Variants in GPC4 observed in about 807,000 individuals in gnomAD.
The protein encoded by GPC4 is glypican 4, also known as glypican-4.
In GPC4, 10 loss-of-function variants were observed where a neutral mutation model predicts 35.0. The observed-to-expected ratio is 0.29, with a 90% CI of 0.18 to 0.48. The LOEUF (loss-of-function observed/expected upper bound fraction) is 0.48, where lower values mean the gene tolerates loss of function less well. GPC4 is among the 20% of genes least tolerant of loss of function. The pLI, the probability that GPC4 is intolerant of heterozygous loss-of-function variation, is 0.99. For missense variants in GPC4, 322 were observed against 451.3 expected, an observed-to-expected ratio of 0.71 and a Z score of 2.60; for synonymous variants, 167 against 170.2, an observed-to-expected ratio of 0.98 and a Z score of 0.15.
At chrX:133,414,291 C>A (rs2124191071) in intron 1 of GPC4, among the ~76,000 whole-genome samples, 1 of 109,560 alleles carries the variant, frequency 9.1e-6, no homozygotes, top group Non-Finnish European at 1.9e-5. Context: ...AACATCAATT[C>A]AAGTTCCACG....
intron 3 of GPC4, among the ~76,000 whole-genome samples, chrX:133,313,668 A>G (rs2068325756): frequency 8.9e-6 from 1 of 111,908 alleles, no homozygotes; most frequent in Non-Finnish European, 1.9e-5. Flanking sequence ...GAGATCACTG[A>G]GTGTTGCTCT....
At chrX:133,405,776 C>A (rs1411123585) in intron 1 of GPC4, among the ~76,000 whole-genome samples, 1 of 112,686 alleles carries the variant, frequency 8.9e-6, no homozygotes, top group Non-Finnish European at 1.9e-5. Context: ...TAAACCCTAT[C>A]TACCTAATTT....
intron 1 of GPC4, among the ~76,000 whole-genome samples, chrX:133,354,775 A>C (rs113992850): frequency 1.4e-4 from 15 of 104,405 alleles, no homozygotes; most frequent in Admixed American, 2.0e-4. Context: ...TCACCTTGTT[A>C]GCCAGGATGG....
chrX:133,360,391 C>T (rs2068561875), intron 1 of GPC4, among the ~76,000 whole-genome samples: 2 of 111,103 alleles, frequency 1.8e-5, no homozygotes, highest in African/African-American at 6.5e-5. Flanking sequence ...TATGGAGAGG[C>T]TTTAAAATGG....
rs181988272 is a variant in GPC4 at position 133,303,577 on chromosome X, T to C, written c.1293-236A>G. Reference sequence around the variant, plus strand: ...TGGATTCCTCATTTCTCCAATTTGATGGAAACCTTCTTCAAAGCTATCACA... The same window carrying C: ...TGGATTCCTCATTTCTCCAATTTGACGGAAACCTTCTTCAAAGCTATCACA... On this transcript the variant is annotated intron_variant, in intron 7 of 8. Transcript: ENST00000370828. Among the ~76,000 whole-genome samples, 12 of 111,716 alleles carry C rather than the reference T, an allele frequency of 1.1e-4. 1 individual carries two copies. The Middle Eastern group carries it at 0.018, about 170-fold the overall frequency.
At chrX:133,348,599 C>T (rs1318110607) in intron 1 of GPC4, among the ~76,000 whole-genome samples, 1 of 112,297 alleles carries the variant, frequency 8.9e-6, no homozygotes, top group Non-Finnish European at 1.9e-5. Context: ...GTGCACATAT[C>T]TTGGTAGCAT....
intron 1 of GPC4, among the ~76,000 whole-genome samples, chrX:133,353,559 C>T (rs1411700200): frequency 3.6e-5 from 4 of 111,698 alleles, no homozygotes; most frequent in Non-Finnish European, 7.5e-5. Flanking sequence ...CACTCATAAA[C>T]CAATTGATTT....
intron 1 of GPC4, among the ~76,000 whole-genome samples, chrX:133,384,113 A>AG (rs2068676880): frequency 1.8e-5 from 2 of 112,406 alleles, no homozygotes; most frequent in South Asian, 3.7e-4. Context: ...CCCACTACCC[A>AG]GAGCAAATGG....
In GPC4 at chrX:133,302,751, T is replaced by TA; in HGVS notation, c.*115dup. On this transcript the variant is annotated 3_prime_UTR_variant, in exon 9 of 9. Transcript: ENST00000370828. ...ACTTCTTAAACCAGTGGCCACATAGTAAAAACTGTACATTGTTGTCCATTC... is the reference window on the plus strand; with the variant it reads ...ACTTCTTAAACCAGTGGCCACATAGTAAAAAACTGTACATTGTTGTCCATTC... 1 of 685,272 alleles carries TA rather than the reference T, an allele frequency of 1.5e-6. No individual in the cohort carries two copies. The highest frequency in any genetic ancestry group is 3.4e-5 in the East Asian group (1 of 29,633). The allele number at this position is 685,272 out of a possible 1,213,427, so 56.5% of individuals were successfully genotyped here. A position where few individuals can be genotyped will look rare whatever the true frequency, so the allele number is the denominator to read the frequency against.
rs1215153840 is a variant in GPC4 at position 133,392,093 on chromosome X, C to CCCA, written c.160+22712_160+22713insTGG. Reference sequence around the variant, plus strand: ...ACTAAAAATACAAACATTAGCTGGGCGTGGTGGTGCATGCCTGTAATCCCA... The same window carrying CCCA: ...ACTAAAAATACAAACATTAGCTGGGCCCAGTGGTGGTGCATGCCTGTAATCCCA... On this transcript the variant is annotated intron_variant, in intron 1 of 8. Transcript: ENST00000370828. Among the ~76,000 whole-genome samples, 5 of 108,421 alleles carry CCCA rather than the reference C, an allele frequency of 4.6e-5. No individual in the cohort carries two copies. The East Asian group carries it at 1.5e-3, about 31-fold the overall frequency. 94.2% of individuals were successfully genotyped at this position (108,421 alleles called of 115,157 possible). A position where few individuals can be genotyped will look rare whatever the true frequency, so the allele number is the denominator to read the frequency against.
At chrX:133,411,790 T>G (rs758814033) in intron 1 of GPC4, among the ~76,000 whole-genome samples, 2 of 111,201 alleles carry the variant, frequency 1.8e-5, no homozygotes, top group African/African-American at 6.5e-5. Context: ...AGATCCCTTT[T>G]GATCATGGCA....
chrX:133,404,859 A>AG, intron 1 of GPC4, among the ~76,000 whole-genome samples: 1 of 99,427 alleles, frequency 1.0e-5, no homozygotes, highest in African/African-American at 4.0e-5. Flanking sequence ...CTCAAAAAAA[A>AG]AAAAAAAAAG....
chrX:133,315,730 C>G (rs1220267243), intron 3 of GPC4, among the ~76,000 whole-genome samples: 1 of 111,591 alleles, frequency 9.0e-6, no homozygotes, highest in Non-Finnish European at 1.9e-5. Context: ...TGGTGTGCCA[C>G]TTAAATTGTT....
chrX:133,349,818 A>G (rs1409998512), intron 1 of GPC4, among the ~76,000 whole-genome samples: 1 of 111,287 alleles, frequency 9.0e-6, no homozygotes, highest in Non-Finnish European at 1.9e-5. Flanking sequence ...ATGGGGTTTC[A>G]CTACATTGCC....
At chrX:133,321,788 A>T (rs1057498367) in intron 3 of GPC4, among the ~76,000 whole-genome samples, 4 of 111,814 alleles carry the variant, frequency 3.6e-5, no homozygotes, top group Non-Finnish European at 7.5e-5. Flanking sequence ...TTATTCCTTT[A>T]ATTATAACAA....
At chrX:133,354,875 A>G (rs893071921) in intron 1 of GPC4, among the ~76,000 whole-genome samples, 4 of 111,814 alleles carry the variant, frequency 3.6e-5, no homozygotes, top group African/African-American at 9.8e-5. Flanking sequence ...GCCATGTTTT[A>G]TTTTTTTAAT....
intron 1 of GPC4, among the ~76,000 whole-genome samples, chrX:133,364,927 C>G (rs1333176274): frequency 8.9e-6 from 1 of 112,036 alleles, no homozygotes; most frequent in Non-Finnish European, 1.9e-5. Context: ...CAAACATTAT[C>G]AACTTATTTT....
intron 1 of GPC4, among the ~76,000 whole-genome samples, chrX:133,386,845 A>G (rs2068693265): frequency 9.0e-6 from 1 of 111,652 alleles, no homozygotes; most frequent in Non-Finnish European, 1.9e-5. Context: ...AATAACCCAC[A>G]TGCTAATCCA....
At chrX:133,374,897 T>C (rs2068627104) in intron 1 of GPC4, among the ~76,000 whole-genome samples, 1 of 112,393 alleles carries the variant, frequency 8.9e-6, no homozygotes, top group Non-Finnish European at 1.9e-5. Flanking sequence ...TGATGAACCT[T>C]GTTGGTTTAG....
Sources: allele counts gnomAD v4.1 joint callset (sites outside exome capture counted in the v4.1 genomes callset), GRCh38; gene constraint gnomAD v4.1.1; transcripts MANE v1.5; gene names NCBI Gene and HGNC (gene_info 2026-07-23, HGNC 2026-07-21).